The following GJA5 variants were observed in gnomAD, a reference collection of about 807,000 sequenced individuals.
GJA5 encodes gap junction protein alpha 5, also known as gap junction alpha-5 protein.
GJA5 carries 3 observed loss-of-function variants against 7.9 expected under a neutral mutation model. That is an observed-to-expected ratio of 0.38 (90% CI 0.17 to 0.99). GJA5 has a LOEUF of 0.99. GJA5 is among the 50% of genes least tolerant of loss of function. The pLI, the probability that GJA5 is intolerant of heterozygous loss-of-function variation, is 0.38. For synonymous variants in GJA5, 193 were observed against 181.0 expected (o/e 1.07, Z -0.53); for missense variants, 390 against 457.9 (o/e 0.85, Z 1.35).
chr1:147,766,746 T>C (rs1553228249), intron 1 of GJA5, among the ~76,000 whole-genome samples: 2 of 152,166 alleles, frequency 1.3e-5, no homozygotes, highest in African/African-American at 4.8e-5. Context: ...TTCTGGACAG[T>C]ATCTAACAGA....
Position 147,758,913 on chromosome 1 carries a change from C to T in GJA5, c.326G>A (p.Arg109Gln), listed in dbSNP as rs782247905. Reference protein sequence around the residue: ...TVRMQEKRKLREAERAKEVRG... With the variant: ...TVRMQEKRKLQEAERAKEVRG... ...GACCTCTTTGGCCCTCTCGGCCTCC[C>T]GTAGCTTGCGCTTCTCCTGCATGCG... is the stretch of plus-strand genomic sequence containing the variant. The change falls in exon 2 of 2, where the codon CGG becomes CAG. Residue 109 changes from arginine to glutamine, a missense_variant. Transcript: ENST00000579774. 6 of 1,614,100 alleles carry T rather than the reference C, an allele frequency of 3.7e-6. No homozygotes were observed. The highest frequency in any genetic ancestry group is 2.2e-5 in the East Asian group (1 of 44,890).
chr1:147,763,363 T>C (rs957092076), upstream of GJA5, among the ~76,000 whole-genome samples: 2 of 152,204 alleles, frequency 1.3e-5, no homozygotes, highest in Admixed American at 6.5e-5. Flanking sequence ...ATGATTTCAG[T>C]AAAACACAAT....
chr1:147,758,787 T>A lies in GJA5; in HGVS notation c.452A>T (p.Asn151Ile), dbSNP rs782375259. ...GRIALQGTLLNTYVCSILIRT... is the reference protein window; with the variant it reads ...GRIALQGTLLITYVCSILIRT... The stretch of plus-strand genomic sequence containing the variant: ...GATCAGGATGCTGCACACATAGGTG[T>A]TGAGCAGAGTGCCCTGGAGGGCAAT... Residue 151 changes from asparagine to isoleucine, a missense_variant, in exon 2 of 2, where the codon AAC becomes ATC. By Grantham distance (149) the Asn-to-Ile change is moderately radical. Coordinates refer to ENST00000579774, the MANE Select transcript of GJA5 (RefSeq NM_181703.4). 6.2e-7 allele frequency: 1 copy of A among 1,614,120 alleles called. No homozygotes were observed. The highest frequency in any genetic ancestry group is 8.5e-7 in the Non-Finnish European group (1 of 1,179,998).
chr1:147,764,596 G>T (rs1230673178), upstream of GJA5, among the ~76,000 whole-genome samples: 1 of 152,010 alleles, frequency 6.6e-6, no homozygotes, highest in South Asian at 2.1e-4. Context: ...AGGCCGAGGC[G>T]GGCAGATCAT....
upstream of GJA5, among the ~76,000 whole-genome samples, chr1:147,762,276 A>G (rs1377625072): frequency 6.6e-6 from 1 of 152,188 alleles, no homozygotes. Flanking sequence ...AAAAAAAGAA[A>G]CAAATGTCAT....
In GJA5 at chr1:147,758,511, T is replaced by C; in HGVS notation, c.728A>G (p.Gln243Arg). The change falls in exon 2 of 2, where the codon CAG (glutamine) becomes CGG (arginine). Residue 243 changes from glutamine (Q) to arginine (R), a missense_variant. Physicochemically the swap from Gln to Arg is conservative, Grantham distance 43. This residue lies in a region of GJA5 where 354 missense variants were observed against 370.9 expected (regional missense o/e 0.95). Transcript: ENST00000579774. ...KIRQRFVKPR[Q>R]HMAKCQLSGP... ...AGAAAGCTGGCACTTAGCCATGTGC[T>C]GCCGCGGTTTGACAAATCGCTGTCT... 6.2e-7 allele frequency: 1 copy of C among 1,614,090 alleles called. No homozygotes were observed. The highest frequency in any genetic ancestry group is 8.5e-7 in the Non-Finnish European group (1 of 1,179,914).
In GJA5 at chr1:147,758,718, A is replaced by T. The variant is rs782021732; in HGVS notation, c.521T>A (p.Ile174Asn). 6.2e-7 allele frequency: 1 copy of T among 1,614,080 alleles called. No homozygotes were observed. Among genetic ancestry groups the T allele is most frequent in the African/African-American group, 1.3e-5 (1 of 74,948 alleles). ...EVGFIVGQYF[I>N]YGIFLTTLHV... ...CAGGGTGGTCAGGAAGATTCCGTAG[A>T]TGAAGTACTGGCCCACAATGAAGCC... Residue 174 changes from isoleucine to asparagine, a missense_variant, in exon 2 of 2, where the codon ATC (isoleucine) becomes AAC (asparagine). By Grantham distance (149) the Ile-to-Asn change is moderately radical. Coordinates refer to ENST00000579774, the MANE Select transcript of GJA5 (RefSeq NM_181703.4).
At position 147,757,188 on chromosome 1, in the gene GJA5, A is replaced by C. The variant is rs1385070789; in HGVS notation, c.*974T>G. The C allele has an allele frequency of 6.6e-6, 1 of 152,230 alleles. No homozygotes were observed. Among genetic ancestry groups the C allele is most frequent in the Non-Finnish European group, 1.5e-5 (1 of 68,046 alleles). 9.4% of individuals were successfully genotyped at this position (152,230 alleles called of 1,614,324 possible). A position where few individuals can be genotyped will look rare whatever the true frequency, so the allele number is the denominator to read the frequency against. On this transcript the variant is annotated 3_prime_UTR_variant, in exon 2 of 2. Coordinates refer to ENST00000579774, the MANE Select transcript of GJA5 (RefSeq NM_181703.4). ...AGAAGTACAATGCTTTCTTTGTTTT[A>C]ACAAGGCCTGGGGAAATTCCACTGG...
At chr1:147,768,681 C>G (rs1664295997) in intron 1 of GJA5, among the ~76,000 whole-genome samples, 1 of 152,194 alleles carries the variant, frequency 6.6e-6, no homozygotes, top group Non-Finnish European at 1.5e-5. Context: ...AGAGTGATAA[C>G]AACACTAACT....
At position 147,758,104 on chromosome 1, in the gene GJA5, C is replaced by T. The variant is rs1571064972; in HGVS notation, c.*58G>A. ...AAGCATCAGTTCAGAAGGGACACGT[C>T]TTTCCTCTCTGAGCCTCCTTTGTTC... On this transcript the variant is annotated 3_prime_UTR_variant, in exon 2 of 2. Coordinates refer to ENST00000579774, the MANE Select transcript of GJA5 (RefSeq NM_181703.4). 8.5e-7 allele frequency: 1 copy of T among 1,181,776 alleles called. No individual in the cohort carries two copies. Among genetic ancestry groups the T allele is most frequent in the Non-Finnish European group, 1.3e-6 (1 of 785,862 alleles). The allele number at this position is 1,181,776 out of a possible 1,614,324, so 73.2% of individuals were successfully genotyped here. A position where few individuals can be genotyped will look rare whatever the true frequency, so the allele number is the denominator to read the frequency against.
chr1:147,759,997 G>A (rs1663928753), intron 1 of GJA5, among the ~76,000 whole-genome samples: 1 of 152,160 alleles, frequency 6.6e-6, no homozygotes, highest in South Asian at 2.1e-4. Context: ...GCATGGACCA[G>A]CTGTGTTGGG....
At chr1:147,772,422 G>A (rs1553229186) in intron 1 of GJA5, among the ~76,000 whole-genome samples, 1 of 152,146 alleles carries the variant, frequency 6.6e-6, no homozygotes, top group Non-Finnish European at 1.5e-5. Flanking sequence ...TGGAACCAGA[G>A]GGAACCTTCT....
At chr1:147,763,028 T>G (rs1472402155), upstream of GJA5, among the ~76,000 whole-genome samples, 3 of 152,216 alleles carry the variant, frequency 2.0e-5, no homozygotes, top group Non-Finnish European at 4.4e-5. Context: ...CTGCTTAACT[T>G]GCCATGTGAA....
upstream of GJA5, among the ~76,000 whole-genome samples, chr1:147,762,369 C>A (rs1179199201): frequency 4.6e-5 from 7 of 152,208 alleles, no homozygotes; most frequent in Non-Finnish European, 1.0e-4. Flanking sequence ...TCACTCATTC[C>A]TTGCAAGTCC....
chr1:147,771,740 T>A (rs113392340), intron 1 of GJA5, among the ~76,000 whole-genome samples: 1 of 152,272 alleles, frequency 6.6e-6, no homozygotes, highest in Non-Finnish European at 1.5e-5. Context: ...CAGAATCCCC[T>A]CCTGGTACTC....
At position 147,759,152 on chromosome 1, in the gene GJA5, G is replaced by C. The variant is rs1553227100; in HGVS notation, c.87C>G (p.Leu29=). Residue 29 remains leucine, a synonymous_variant, in exon 2 of 2, where the codon CTC becomes CTG. Coordinates refer to ENST00000579774, the MANE Select transcript of GJA5 (RefSeq NM_181703.4). The part of the protein sequence containing the change: ...TVVGKVWLTV[L]FIFRMLVLGT... The stretch of plus-strand genomic sequence containing the variant: ...CCAGCACGAGCATACGGAATATGAA[G>C]AGGACAGTGAGCCAGACCTTGCCTA... 3.1e-6 allele frequency: 5 copies of C among 1,613,774 alleles called. No homozygotes were observed.
chr1:147,764,818 C>T (rs587737297), upstream of GJA5, among the ~76,000 whole-genome samples: 364 of 70,108 alleles, frequency 5.2e-3, 2 homozygotes, highest in Non-Finnish European at 8.2e-3. Flanking sequence ...AGTGAGACTC[C>T]GTCTCAAAAA....
intron 1 of GJA5, among the ~76,000 whole-genome samples, chr1:147,767,610 C>A (rs938105385): frequency 2.7e-5 from 4 of 147,444 alleles, no homozygotes; most frequent in Non-Finnish European, 5.9e-5. Context: ...GTTGCCCAGG[C>A]TGGTCTCAAA....
At chr1:147,764,770 G>A (rs1247641454), upstream of GJA5, among the ~76,000 whole-genome samples, 2 of 146,516 alleles carry the variant, frequency 1.4e-5, no homozygotes, top group African/African-American at 5.1e-5. Context: ...GTTGCAATGA[G>A]CTGAGATCAC....
Sources: gnomAD v4.1 joint callset for allele counts (sites outside exome capture counted in the v4.1 genomes callset) on GRCh38, gnomAD v4.1.1 for gene constraint, gnomAD v4.1.1 regional missense constraint, MANE v1.5 for transcripts, NCBI Gene and HGNC (gene_info 2026-07-23, HGNC 2026-07-21) for gene names.